Variants in PLA1A observed in about 807,000 individuals in gnomAD.
PLA1A encodes the protein phosphatidylserine-specific phospholipase A1alpha.
Under a neutral mutation model 49.4 loss-of-function variants are expected in PLA1A, and 47 were observed. The observed-to-expected ratio is 0.95, with a 90% CI of 0.75 to 1.21. The LOEUF is 1.21. Among genes scored for constraint, PLA1A ranks in the 50% most tolerant of loss-of-function variants. The probability of loss-of-function intolerance (pLI) is 0.00; values close to 1 mark genes in which losing one functional copy is unlikely to be tolerated. For missense variants in PLA1A, 561 were observed against 563.9 expected (o/e 0.99, Z 0.05); for synonymous variants, 224 against 207.9 (o/e 1.08, Z -0.67).
intron 6 of PLA1A, among the ~76,000 whole-genome samples, chr3:119,616,611 C>A (rs1449785953): frequency 6.6e-6 from 1 of 152,098 alleles, no homozygotes; most frequent in Non-Finnish European, 1.5e-5. Flanking sequence ...ATGAATATAG[C>A]CAATATATCA....
chr3:119,611,101 A>C (rs2082759396), intron 4 of PLA1A, among the ~76,000 whole-genome samples: 1 of 152,158 alleles, frequency 6.6e-6, no homozygotes, highest in Non-Finnish European at 1.5e-5. Context: ...AATTTTTGTC[A>C]ACTTTGTCAA....
At chr3:119,625,261 C>A in intron 9 of PLA1A, 29 bp downstream of exon 9, 1 of 1,403,674 alleles carries the variant, frequency 7.1e-7, no homozygotes, top group Non-Finnish European at 1.0e-6. Context: ...TGGTTGACTC[C>A]TCCCCTTAGG....
At chr3:119,628,962 T>C in intron 10 of PLA1A, 97 bp downstream of exon 10, 6 of 961,540 alleles carry the variant, frequency 6.2e-6, no homozygotes, top group South Asian at 6.1e-5. Context: ...AATCTCATCA[T>C]AGTGATTATC....
intron 6 of PLA1A, 105 bp from the exon 7 acceptor site, chr3:119,617,914 G>T (rs990381416): frequency 9.9e-6 from 8 of 808,722 alleles, no homozygotes; most frequent in Admixed American, 5.0e-5. Flanking sequence ...TCCCATGCAT[G>T]TATTTACAGC....
intron 4 of PLA1A, among the ~76,000 whole-genome samples, chr3:119,611,233 T>C (rs2082761162): frequency 6.6e-6 from 1 of 152,212 alleles, no homozygotes; most frequent in Non-Finnish European, 1.5e-5. Context: ...TGTAGTATAG[T>C]TTGAAATTGG....
At chr3:119,623,465 C>G (rs1171483135) in intron 8 of PLA1A, among the ~76,000 whole-genome samples, 1 of 152,076 alleles carries the variant, frequency 6.6e-6, no homozygotes, top group Admixed American at 6.5e-5. Context: ...TTCTTACCTT[C>G]TCTTGCCAGA....
intron 2 of PLA1A, 194 bp downstream of exon 2, chr3:119,607,169 A>G (rs1385952212): frequency 1.5e-5 from 9 of 592,790 alleles, no homozygotes; most frequent in Admixed American, 5.8e-5. Flanking sequence ...TTGGTCATAT[A>G]TGTTACTTCT....
At chr3:119,608,558 T>C (rs1213776295) in intron 2 of PLA1A, among the ~76,000 whole-genome samples, 2 of 152,230 alleles carry the variant, frequency 1.3e-5, no homozygotes, top group South Asian at 2.1e-4. Context: ...AGTTTTATAA[T>C]TTACACAAAG....
chr3:119,609,595 C>A lies in PLA1A; in HGVS notation c.562+19C>A, dbSNP rs771088910. 5 of 1,303,380 alleles carry A rather than the reference C, an allele frequency of 3.8e-6. No individual in the cohort carries two copies. The highest frequency in any genetic ancestry group is 5.5e-6 in the Non-Finnish European group (5 of 905,394). The allele number at this position is 1,303,380 out of a possible 1,614,324, so 80.7% of individuals were successfully genotyped here. ...ATCACAGGTAACATTCCTCCCTGCC[C>A]ATCCTCCAGGCTTTAGAGATAGAGA... is the stretch of plus-strand genomic sequence containing the variant. On this transcript the variant is annotated intron_variant, in intron 4 of 10. Transcript: ENST00000273371.
chr3:119,607,428 T>TCC (rs2082704388), intron 2 of PLA1A, among the ~76,000 whole-genome samples: 1 of 152,216 alleles, frequency 6.6e-6, no homozygotes, highest in Non-Finnish European at 1.5e-5. Context: ...TTGTAATATA[T>TCC]AGTCACTGAG....
intron 6 of PLA1A, among the ~76,000 whole-genome samples, chr3:119,617,457 T>C (rs1208178803): frequency 1.3e-5 from 2 of 151,920 alleles, no homozygotes; most frequent in Non-Finnish European, 2.9e-5. Flanking sequence ...ATAATCCATC[T>C]CAAGGCCAGG....
intron 1 of PLA1A, among the ~76,000 whole-genome samples, chr3:119,598,316 A>C (rs147239376): frequency 6.6e-6 from 1 of 152,214 alleles, no homozygotes; most frequent in Non-Finnish European, 1.5e-5. Context: ...CCCCATAAAT[A>C]TCCACCATTC....
intron 1 of PLA1A, among the ~76,000 whole-genome samples, chr3:119,601,345 G>T (rs1284649959): frequency 2.6e-5 from 4 of 152,182 alleles, no homozygotes; most frequent in Non-Finnish European, 5.9e-5. Context: ...GGTGAAGGGA[G>T]CTCTGTCATA....
At chr3:119,624,669 C>T (rs1047482655) in intron 8 of PLA1A, among the ~76,000 whole-genome samples, 5 of 151,714 alleles carry the variant, frequency 3.3e-5, no homozygotes, top group South Asian at 2.1e-4. Flanking sequence ...CTTGCTCTGC[C>T]GCCCAGGCTG....
chr3:119,615,960 G>C (rs368781806), intron 5 of PLA1A, 52 bp from the exon 6 acceptor site: 21 of 1,221,128 alleles, frequency 1.7e-5, no homozygotes, highest in Non-Finnish European at 2.5e-5. Context: ...GAGGTCCGCT[G>C]TGAGCCGACC....
At position 119,622,211 on chromosome 3, in the gene PLA1A, G is replaced by GAAGAAGAAGA. The variant is rs879382116; in HGVS notation, c.1012+2560_1012+2561insAGAAGAAGAA. On this transcript the variant is annotated intron_variant, in intron 8 of 10. Transcript: ENST00000273371. ...GAAGAAGAAGAAGAAGAAGAAGAAG[G>GAAGAAGAAGA]AGACAGAATCTTAGAAAACTTTCTT... 9.1e-3 allele frequency among the ~76,000 whole-genome samples: 346 copies of GAAGAAGAAGA among 38,186 alleles called. 9 individuals are homozygous for GAAGAAGAAGA. The highest frequency in any genetic ancestry group is 0.024 in the African/African-American group (298 of 12,236). 25.1% of individuals were successfully genotyped at this position (38,186 alleles called of 152,430 possible). A position where few individuals can be genotyped will look rare whatever the true frequency, so the allele number is the denominator to read the frequency against.
intron 4 of PLA1A, among the ~76,000 whole-genome samples, chr3:119,612,743 C>A (rs879710557): frequency 2.6e-5 from 4 of 152,188 alleles, no homozygotes; most frequent in Non-Finnish European, 4.4e-5. Flanking sequence ...CTGCCTCGGC[C>A]TCCCAAAGTG....
intron 7 of PLA1A, among the ~76,000 whole-genome samples, chr3:119,618,812 C>A (rs1212324771): frequency 6.6e-6 from 1 of 152,112 alleles, no homozygotes; most frequent in Non-Finnish European, 1.5e-5. Context: ...TGGTTTCTCT[C>A]CCTCCCGCAC....
Position 119,606,902 on chromosome 3 carries a change from G to C in PLA1A, c.202G>C (p.Glu68Gln). ...GAATCCTAGCTGTGGGCAGCTAGTA[G>C]AAGGAAGCAGTGACCTCCAAAACTC... ...PSNPSCGQLVEGSSDLQNSGF... is the reference protein window; with the variant it reads ...PSNPSCGQLVQGSSDLQNSGF... Residue 68 changes from glutamate to glutamine, a missense_variant, in exon 2 of 11, where the codon GAA becomes CAA. Coordinates refer to ENST00000273371, the MANE Select transcript of PLA1A (RefSeq NM_015900.4). 6.2e-7 allele frequency: 1 copy of C among 1,614,138 alleles called. No individual in the cohort carries two copies. The highest frequency in any genetic ancestry group is 8.5e-7 in the Non-Finnish European group (1 of 1,179,966).
Sources: gnomAD v4.1 joint callset for allele counts (sites outside exome capture counted in the v4.1 genomes callset) on GRCh38, gnomAD v4.1.1 for gene constraint, MANE v1.5 for transcripts, NCBI Gene and HGNC (gene_info 2026-07-23, HGNC 2026-07-21) for gene names.